The following EPHB2 variants were observed in gnomAD, a reference collection of about 807,000 sequenced individuals.
EPHB2 encodes ephrin type-B receptor 2.
A neutral mutation model predicts 96.4 loss-of-function variants in EPHB2; 18 were observed. The observed-to-expected ratio is 0.19, with a 90% CI of 0.13 to 0.28. The LOEUF (loss-of-function observed/expected upper bound fraction) is 0.28. Among genes scored for constraint, EPHB2 ranks in the 10% least tolerant of loss-of-function variants. The probability of loss-of-function intolerance (pLI) is 1.00; values close to 1 mark genes in which losing one functional copy is unlikely to be tolerated. For synonymous variants in EPHB2, 506 were observed against 534.1 expected, an observed-to-expected ratio of 0.95 and a Z score of 0.72; for missense variants, 989 against 1,355.4, an observed-to-expected ratio of 0.73 and a Z score of 4.25.
At chr1:22,754,984 G>A (rs1365000386) in intron 1 of EPHB2, among the ~76,000 whole-genome samples, 2 of 151,620 alleles carry the variant, frequency 1.3e-5, no homozygotes, top group African/African-American at 4.9e-5. Context: ...AAGGGCCTGT[G>A]CCCTAGAGAC....
At position 22,795,487 on chromosome 1, in the gene EPHB2, TTTTGTTTTG is replaced by T. The variant is rs1557679044; in HGVS notation, c.811+10412_811+10420del. Among the ~76,000 whole-genome samples, 1,161 of 151,018 alleles carry T rather than the reference TTTTGTTTTG, an allele frequency of 7.7e-3. 13 individuals carry two copies. Among genetic ancestry groups the T allele is most frequent in the African/African-American group, 0.027 (1,103 of 41,170 alleles). On this transcript the variant is annotated intron_variant, in intron 3 of 15. Transcript: ENST00000374630. ...TTCCGTTTTGTTTTGTTTTGTTTTG[TTTTGTTTTG>T]CCCCCATAGCTTGGTGGGAGAAATG... is the stretch of plus-strand genomic sequence containing the variant.
At chr1:22,781,021 G>A (rs1644522279) in intron 1 of EPHB2, among the ~76,000 whole-genome samples, 1 of 152,000 alleles carries the variant, frequency 6.6e-6, no homozygotes, top group African/African-American at 2.4e-5. Flanking sequence ...AAGGATGAGG[G>A]CCCGGCCGTG....
intron 1 of EPHB2, among the ~76,000 whole-genome samples, chr1:22,717,590 C>T (rs1169895461): frequency 2.0e-5 from 3 of 152,204 alleles, no homozygotes; most frequent in African/African-American, 7.2e-5. Context: ...CTGGAGAATA[C>T]CGCGCATGTG....
At chr1:22,823,007 A>G (rs552971029) in intron 3 of EPHB2, among the ~76,000 whole-genome samples, 2 of 152,284 alleles carry the variant, frequency 1.3e-5, no homozygotes, top group East Asian at 1.9e-4. Context: ...TGAGACCTAC[A>G]TATACCCTAT....
At chr1:22,896,878 G>T (rs899649530) in intron 9 of EPHB2, among the ~76,000 whole-genome samples, 2 of 152,180 alleles carry the variant, frequency 1.3e-5, no homozygotes, top group African/African-American at 2.4e-5. Flanking sequence ...GATATTTACC[G>T]TGTCTCCCCA....
intron 4 of EPHB2, among the ~76,000 whole-genome samples, chr1:22,864,157 C>CA (rs914228192): frequency 1.3e-5 from 2 of 151,786 alleles, no homozygotes; most frequent in African/African-American, 4.8e-5. Context: ...GTGGTTCTCC[C>CA]ACCTCAGCCT....
chr1:22,831,816 A>T lies in EPHB2; in HGVS notation c.812-31221A>T, dbSNP rs967913983. Among the ~76,000 whole-genome samples, 8 of 152,264 alleles carry T rather than the reference A, an allele frequency of 5.3e-5. No homozygotes were observed. In the South Asian group the frequency reaches 8.3e-4, roughly 16 times the overall value. On this transcript the variant is annotated intron_variant, in intron 3 of 15. Coordinates refer to ENST00000374630, the MANE Select transcript of EPHB2 (RefSeq NM_017449.5). ...CTCCCCTTGGGCTCTTCAAGGGCTC[A>T]AGAGGGGCTGTGTTAGGCTGGGCTG...
intron 5 of EPHB2, among the ~76,000 whole-genome samples, chr1:22,880,415 C>T (rs1485316133): frequency 6.6e-6 from 1 of 152,212 alleles, no homozygotes; most frequent in African/African-American, 2.4e-5. Context: ...TTGGCTGAGA[C>T]AGGACGTCTG....
chr1:22,802,973 T>C (rs1015546620), intron 3 of EPHB2, among the ~76,000 whole-genome samples: 1 of 152,008 alleles, frequency 6.6e-6, no homozygotes, highest in Admixed American at 6.5e-5. Context: ...GTAAGGACTA[T>C]GGGGACCCAC....
intron 3 of EPHB2, among the ~76,000 whole-genome samples, chr1:22,793,885 T>C (rs1644731777): frequency 1.3e-5 from 2 of 152,216 alleles, no homozygotes; most frequent in African/African-American, 2.4e-5. Flanking sequence ...GAACCTGGCT[T>C]TCTGCAGCTT....
chr1:22,835,273 A>G (rs567533511), intron 3 of EPHB2, among the ~76,000 whole-genome samples: 9 of 152,124 alleles, frequency 5.9e-5, no homozygotes, highest in African/African-American at 1.9e-4. Flanking sequence ...CCAGCTACTC[A>G]GGAGGCTAAG....
chr1:22,767,854 G>A (rs1644328728), intron 1 of EPHB2, among the ~76,000 whole-genome samples: 1 of 152,230 alleles, frequency 6.6e-6, no homozygotes, highest in East Asian at 1.9e-4. Flanking sequence ...GAAAGCAATG[G>A]TCACTAATGA....
rs1281028518 is a variant in EPHB2, at chr1:22,909,083, C to T, written c.2414C>T (p.Ser805Leu). 6 of 1,614,092 alleles carry T rather than the reference C, an allele frequency of 3.7e-6. No individual in the cohort carries two copies. Among genetic ancestry groups the T allele is most frequent in the African/African-American group, 2.7e-5 (2 of 74,926 alleles). The change falls in exon 13 of 16, where the codon TCG (serine) becomes TTG (leucine). Residue 805 changes from serine (S) to leucine (L), a missense_variant. Transcript: ENST00000374630. ...GCCATCCAGTACCGGAAGTTCACCT[C>T]GGCCAGTGATGTGTGGAGCTACGGC... ...PEAIQYRKFT[S>L]ASDVWSYGIV...
At chr1:22,779,967 A>ACT (rs1644505956) in intron 1 of EPHB2, among the ~76,000 whole-genome samples, 1 of 151,374 alleles carries the variant, frequency 6.6e-6, no homozygotes, top group Non-Finnish European at 1.5e-5. Context: ...CTCTCCCCCT[A>ACT]CTCTCTCATA....
intron 3 of EPHB2, among the ~76,000 whole-genome samples, chr1:22,829,124 G>A (rs1645266282): frequency 6.6e-6 from 1 of 152,282 alleles, no homozygotes; most frequent in African/African-American, 2.4e-5. Flanking sequence ...GCCAGATCCT[G>A]TGCAAAGCAC....
intron 3 of EPHB2, among the ~76,000 whole-genome samples, chr1:22,861,211 C>A (rs191023273): frequency 3.3e-5 from 5 of 152,318 alleles, no homozygotes; most frequent in Admixed American, 1.3e-4. Context: ...AAGTGACTTC[C>A]CCGAGGCCAC....
intron 5 of EPHB2, among the ~76,000 whole-genome samples, chr1:22,868,566 G>A (rs552588412): frequency 1.3e-5 from 2 of 152,158 alleles, no homozygotes; most frequent in Non-Finnish European, 2.9e-5. Flanking sequence ...TTTGGGTTCA[G>A]CCTATTTCAT....
intron 3 of EPHB2, among the ~76,000 whole-genome samples, chr1:22,818,428 C>T (rs1236182170): frequency 2.0e-5 from 3 of 152,106 alleles, no homozygotes; most frequent in Admixed American, 6.6e-5. Context: ...GGTCTCCCTG[C>T]GCCCCCTGCC....
intron 8 of EPHB2, among the ~76,000 whole-genome samples, chr1:22,896,071 T>A (rs1419102438): frequency 6.6e-6 from 1 of 152,194 alleles, no homozygotes; most frequent in African/African-American, 2.4e-5. Context: ...CAAAGAAAGA[T>A]TCTCTTCTTC....
Sources: gnomAD v4.1 joint callset for allele counts (sites outside exome capture counted in the v4.1 genomes callset) on GRCh38, gnomAD v4.1.1 for gene constraint, MANE v1.5 for transcripts, NCBI Gene and HGNC (gene_info 2026-07-23, HGNC 2026-07-21) for gene names.